PTPRO: variants seen among roughly 807,000 people sequenced by gnomAD.
The protein encoded by PTPRO is receptor-type tyrosine-protein phosphatase O.
A neutral mutation model predicts 145.2 loss-of-function variants in PTPRO; 62 were observed. The observed-to-expected ratio is 0.43, with a 90% confidence interval of 0.35 to 0.53. The LOEUF (loss-of-function observed/expected upper bound fraction) is 0.53, where lower values mean the gene tolerates loss of function less well. Among genes scored for constraint, PTPRO ranks in the 20% least tolerant of loss-of-function variants. The probability of loss-of-function intolerance (pLI) is 0.01; values close to 1 mark genes in which losing one functional copy is unlikely to be tolerated. For synonymous variants in PTPRO, 565 were observed against 514.7 expected (o/e 1.10, Z -1.32); for missense variants, 1,345 against 1,482.7 (o/e 0.91, Z 1.53).
At chr12:15,337,109 AACTGACTCAAGAAGAAACGTTTTG>A in intron 1 of PTPRO, among the ~76,000 whole-genome samples, 1 of 152,146 alleles carries the variant, frequency 6.6e-6, no homozygotes, top group Admixed American at 6.5e-5. Context: ...TCAACCATAA[AACTGACTCAAGAAGAAACGTTTTG>A]TAGGAAGAAA....
intron 1 of PTPRO, among the ~76,000 whole-genome samples, chr12:15,450,280 C>T (rs77165764): frequency 0.21 from 31,475 of 152,130 alleles, 4,091 homozygotes; most frequent in Admixed American, 0.3. Context: ...AGTTTTTCCT[C>T]TCCTGAATAT....
At chr12:15,421,303 T>C (rs932029755) in intron 1 of PTPRO, among the ~76,000 whole-genome samples, 1 of 152,200 alleles carries the variant, frequency 6.6e-6, no homozygotes, top group African/African-American at 2.4e-5. Context: ...GTTGTGATAT[T>C]TAATTCATTT....
intron 7 of PTPRO, among the ~76,000 whole-genome samples, chr12:15,513,711 C>T (rs1942515869): frequency 6.6e-6 from 1 of 152,102 alleles, no homozygotes; most frequent in Admixed American, 6.5e-5. Context: ...GATTCATGTT[C>T]CTCCTTGGAG....
intron 7 of PTPRO, among the ~76,000 whole-genome samples, chr12:15,513,108 AAAGGAAGGAAGGAAGGAAGG>A (rs368163582): frequency 2.0e-5 from 1 of 50,886 alleles, no homozygotes; most frequent in South Asian, 8.2e-4. Context: ...AGAAAGAAAG[AAAGGAAGGAAGGAAGGAAGG>A]AAGGAAGGAA....
intron 23 of PTPRO, among the ~76,000 whole-genome samples, chr12:15,584,756 A>G (rs1026601592): frequency 2.0e-5 from 3 of 152,194 alleles, no homozygotes; most frequent in Non-Finnish European, 4.4e-5. Context: ...TTTTGTTTAT[A>G]CCCTTCTTTA....
rs146601409 is a variant in PTPRO, at chr12:15,524,452, A to T, written c.1892-362A>T. ...TAAGTTTTTTAATCCTACTTGGCTA[A>T]TAACTCCACTGATACCTATTAATAT... is the stretch of plus-strand genomic sequence containing the variant. On this transcript the variant is annotated intron_variant, in intron 10 of 26. Transcript: ENST00000281171. Among the ~76,000 whole-genome samples, 1,197 of 152,310 alleles carry T rather than the reference A, an allele frequency of 7.9e-3. 16 individuals carry two copies. The highest frequency in any genetic ancestry group is 0.027 in the African/African-American group (1,124 of 41,564).
At chr12:15,537,404 G>A (rs1386621778) in intron 12 of PTPRO, among the ~76,000 whole-genome samples, 5 of 152,142 alleles carry the variant, frequency 3.3e-5, no homozygotes, top group African/African-American at 4.8e-5. Flanking sequence ...AGGAGCATTG[G>A]CCAGGGAAGC....
At chr12:15,324,720 A>T (rs1866397230) in intron 1 of PTPRO, among the ~76,000 whole-genome samples, 1 of 152,156 alleles carries the variant, frequency 6.6e-6, no homozygotes, top group Admixed American at 6.5e-5. Context: ...AGAAGAAAAA[A>T]CTGTATATAT....
intron 2 of PTPRO, among the ~76,000 whole-genome samples, chr12:15,487,931 A>T (rs1941923829): frequency 6.6e-6 from 1 of 151,894 alleles, no homozygotes; most frequent in African/African-American, 2.4e-5. Flanking sequence ...AATCCATTAA[A>T]CTCGGAGCTG....
intron 1 of PTPRO, among the ~76,000 whole-genome samples, chr12:15,351,989 C>A (rs1237732653): frequency 6.6e-6 from 1 of 152,182 alleles, no homozygotes; most frequent in African/African-American, 2.4e-5. Flanking sequence ...TTATACTAGA[C>A]AATGCAAACA....
intron 12 of PTPRO, among the ~76,000 whole-genome samples, chr12:15,539,622 T>G (rs1943137926): frequency 6.6e-6 from 1 of 151,492 alleles, no homozygotes; most frequent in East Asian, 1.9e-4. Context: ...ATTAGCTGGG[T>G]GTAGTCGTAG....
At chr12:15,579,905 A>G in intron 20 of PTPRO, 134 bp from the exon 21 acceptor site, 1 of 711,434 alleles carries the variant, frequency 1.4e-6, no homozygotes, top group South Asian at 1.7e-5. Flanking sequence ...AAGAATAGCT[A>G]AAATATCAGG....
intron 12 of PTPRO, among the ~76,000 whole-genome samples, chr12:15,527,393 G>T (rs1942863489): frequency 6.6e-6 from 1 of 152,220 alleles, no homozygotes; most frequent in South Asian, 2.1e-4. Context: ...CAGGAAATCT[G>T]TCCTTGCCTT....
chr12:15,448,864 G>T (rs913149254), intron 1 of PTPRO, among the ~76,000 whole-genome samples: 1 of 151,838 alleles, frequency 6.6e-6, no homozygotes, highest in Non-Finnish European at 1.5e-5. Flanking sequence ...TAACAACATG[G>T]ATGAACCTGG....
chr12:15,402,401 AG>A (rs1408780280), intron 1 of PTPRO, among the ~76,000 whole-genome samples: 1 of 152,014 alleles, frequency 6.6e-6, no homozygotes, highest in Admixed American at 6.6e-5. Flanking sequence ...AAAAAAAAAA[AG>A]AAAACCCAAT....
chr12:15,523,887 T>C (rs1942780737), intron 10 of PTPRO, among the ~76,000 whole-genome samples: 1 of 151,970 alleles, frequency 6.6e-6, no homozygotes, highest in African/African-American at 2.4e-5. Flanking sequence ...AGCCTGGATC[T>C]CCTGGGCTCA....
chr12:15,436,789 G>C (rs183388642), intron 1 of PTPRO, among the ~76,000 whole-genome samples: 3 of 152,192 alleles, frequency 2.0e-5, no homozygotes, highest in Admixed American at 2.0e-4. Context: ...TATCTGGAGT[G>C]GGGTGGGGGC....
At chr12:15,346,714 G>C (rs1867228657) in intron 1 of PTPRO, 1 of 152,174 alleles carries the variant, frequency 6.6e-6, no homozygotes, top group Non-Finnish European at 1.5e-5. Context: ...TCTGTCATGA[G>C]GATAGGGAGA....
chr12:15,491,679 C>G (rs913561007), intron 2 of PTPRO, among the ~76,000 whole-genome samples: 1 of 152,230 alleles, frequency 6.6e-6, no homozygotes, highest in Admixed American at 6.5e-5. Flanking sequence ...TTGTCATCCA[C>G]TTTTTGCTCC....
Sources: allele counts gnomAD v4.1 joint callset (sites outside exome capture counted in the v4.1 genomes callset), GRCh38; gene constraint gnomAD v4.1.1; transcripts MANE v1.5; gene names NCBI Gene and HGNC (gene_info 2026-07-23, HGNC 2026-07-21).